SLC2A3: variants seen among roughly 807,000 people sequenced by gnomAD.
SLC2A3 encodes solute carrier family 2, facilitated glucose transporter member 3.
A neutral mutation model predicts 46.4 loss-of-function variants in SLC2A3; 21 were observed. That is an observed-to-expected ratio of 0.45 (90% confidence interval 0.32 to 0.65). The LOEUF (loss-of-function observed/expected upper bound fraction) is 0.65, where lower values mean the gene tolerates loss of function less well. SLC2A3 is among the 30% of genes least tolerant of loss of function. The pLI is 0.04. For missense variants in SLC2A3, 499 were observed against 623.3 expected (o/e 0.80, Z 2.12); for synonymous variants, 213 against 239.4 (o/e 0.89, Z 1.02).
rs1431961339 is a variant in SLC2A3 at position 7,929,792 on chromosome 12, T to C, written c.753A>G (p.Gln251=). 6.2e-7 allele frequency: 1 copy of C among 1,613,674 alleles called. No individual in the cohort carries two copies. The highest frequency in any genetic ancestry group is 8.5e-7 in the Non-Finnish European group (1 of 1,179,762). ...EMKDESARMS[Q]EKQVTVLELF... Reference sequence around the variant, plus strand: ...GCTCTAGCACGGTGACTTGCTTTTCTTGTGACATCCTTGCACTCTCATCTT... The same window carrying C: ...GCTCTAGCACGGTGACTTGCTTTTCCTGTGACATCCTTGCACTCTCATCTT... The change falls in exon 6 of 10, where the codon CAA becomes CAG. Residue 251 remains glutamine, a synonymous_variant. Transcript: ENST00000075120.
rs1946034299 is a variant in SLC2A3, at chr12:7,921,292, A to T, written c.*121T>A. On this transcript the variant is annotated 3_prime_UTR_variant, in exon 10 of 10. Coordinates refer to ENST00000075120, the MANE Select transcript of SLC2A3 (RefSeq NM_006931.3). ...TTGGGGTGCTCATGGAGTGCGTGGG[A>T]TGAGAAAGGAATTAAGTAGCAGCAT... is the stretch of plus-strand genomic sequence containing the variant. The T allele has an allele frequency of 2.6e-6, 4 of 1,560,486 alleles. No individual in the cohort carries two copies. The highest frequency in any genetic ancestry group is 3.5e-6 in the Non-Finnish European group (4 of 1,152,564).
chr12:7,919,740 C>G lies in SLC2A3; in HGVS notation c.*1673G>C, dbSNP rs191676870. 3.9e-5 allele frequency: 6 copies of G among 152,132 alleles called. No individual in the cohort carries two copies. Among genetic ancestry groups the G allele is most frequent in the African/African-American group, 1.4e-4 (6 of 41,462 alleles). The allele number at this position is 152,132 out of a possible 1,614,324, so 9.4% of individuals were successfully genotyped here. On this transcript the variant is annotated 3_prime_UTR_variant, in exon 10 of 10. Coordinates refer to ENST00000075120, the MANE Select transcript of SLC2A3 (RefSeq NM_006931.3). ...CTACGTGCATTTTTATTCAAAGGCTCCAGGAGCAGAGGGAACAGTGAGAAC... is the reference window on the plus strand; with the variant it reads ...CTACGTGCATTTTTATTCAAAGGCTGCAGGAGCAGAGGGAACAGTGAGAAC...
Position 7,923,018 on chromosome 12 carries a change from AGTTATCCT to A in SLC2A3, c.1069-2_1074del, listed in dbSNP as rs1297122377. On this transcript the variant is annotated splice_acceptor_variant and coding_sequence_variant, in exon 9 of 10. Coordinates refer to ENST00000075120, the MANE Select transcript of SLC2A3 (RefSeq NM_006931.3). LOFTEE classifies it high-confidence loss of function. ...ATACAGACAAAGCTCATCCCATTATAGTTATCCTGTAAGAGCAAGGAACAGAGAAAATT... is the reference window on the plus strand; with the variant it reads ...ATACAGACAAAGCTCATCCCATTATAGTAAGAGCAAGGAACAGAGAAAATT... 25 of 1,612,946 alleles carry A rather than the reference AGTTATCCT, an allele frequency of 1.5e-5. No individual in the cohort carries two copies. The highest frequency in any genetic ancestry group is 2.0e-5 in the Non-Finnish European group (24 of 1,179,554).
At position 7,922,835 on chromosome 12, in the gene SLC2A3, A is replaced by G; in HGVS notation, c.1258T>C (p.Phe420Leu). Reference sequence around the variant, plus strand: ...AGTTTACTTACAGCAGCGGAGGGGAAGAGCAATCCGACTAGGAAGTTGGAG... The same window carrying G: ...AGTTTACTTACAGCAGCGGAGGGGAGGAGCAATCCGACTAGGAAGTTGGAG... ...WTSNFLVGLL[F>L]PSAAHYLGAY... Residue 420 changes from phenylalanine to leucine, a missense_variant, in exon 9 of 10, where the codon TTC becomes CTC. Around this residue, in one of 5 missense-constraint regions of SLC2A3, gnomAD observed 179 missense variants for 205.1 expected, o/e 0.87. Transcript: ENST00000075120. The G allele has an allele frequency of 6.2e-7, 1 of 1,614,012 alleles. No homozygotes were observed. Among genetic ancestry groups the G allele is most frequent in the Non-Finnish European group, 8.5e-7 (1 of 1,179,906 alleles).
At chr12:7,925,133 G>T (rs1174916851) in intron 7 of SLC2A3, among the ~76,000 whole-genome samples, 2 of 152,254 alleles carry the variant, frequency 1.3e-5, no homozygotes, top group African/African-American at 4.8e-5. Context: ...AAGCTCCCAT[G>T]CTCAGGATCC....
At chr12:7,923,568 T>C (rs967373058) in intron 8 of SLC2A3, among the ~76,000 whole-genome samples, 3 of 151,944 alleles carry the variant, frequency 2.0e-5, no homozygotes, top group Non-Finnish European at 4.4e-5. Flanking sequence ...TGAGCTGAGA[T>C]CCTGCCACTG....
chr12:7,931,202 C>T (rs952041816), intron 4 of SLC2A3, 43 bp downstream of exon 4: 2 of 1,607,790 alleles, frequency 1.2e-6, no homozygotes, highest in African/African-American at 2.7e-5. Flanking sequence ...TTTTAATGAC[C>T]CATGAAACTA....
chr12:7,921,331 G>C lies in SLC2A3; in HGVS notation c.*82C>G, dbSNP rs1305440458. ...AAGTAGCAGCATTCAGAAGCGTCCTGGGTTCATCCTGATGAGGTCTCTCCC... is the reference window on the plus strand; with the variant it reads ...AAGTAGCAGCATTCAGAAGCGTCCTCGGTTCATCCTGATGAGGTCTCTCCC... On this transcript the variant is annotated 3_prime_UTR_variant, in exon 10 of 10. Coordinates refer to ENST00000075120, the MANE Select transcript of SLC2A3 (RefSeq NM_006931.3). 1.2e-6 allele frequency: 2 copies of C among 1,606,606 alleles called. No individual in the cohort carries two copies. Among genetic ancestry groups the C allele is most frequent in the Admixed American group, 1.7e-5 (1 of 59,460 alleles).
chr12:7,935,548 G>A (rs1445206524), intron 1 of SLC2A3, among the ~76,000 whole-genome samples: 1 of 152,132 alleles, frequency 6.6e-6, no homozygotes, highest in African/African-American at 2.4e-5. Flanking sequence ...CTAATAGGAA[G>A]GACAACTGGA....
At chr12:7,933,956 A>T in intron 1 of SLC2A3, 54 bp from the exon 2 acceptor site, 2 of 1,521,080 alleles carry the variant, frequency 1.3e-6, no homozygotes, top group Non-Finnish European at 9.1e-7. Context: ...GTGATTGATG[A>T]CTGTTTCTTA....
At position 7,931,501 on chromosome 12, in the gene SLC2A3, A is replaced by G. The variant is rs1371044709; in HGVS notation, c.270-16T>C. On this transcript the variant is annotated splice_polypyrimidine_tract_variant and intron_variant, in intron 3 of 9. Coordinates refer to ENST00000075120, the MANE Select transcript of SLC2A3 (RefSeq NM_006931.3). The stretch of plus-strand genomic sequence containing the variant: ...TGAATTGCGCCTGTAAGGTTAATCA[A>G]AGACAAAGTAGAATTAGCAAAGTGA... The G allele has an allele frequency of 1.2e-6, 2 of 1,613,568 alleles. No individual in the cohort carries two copies. Among genetic ancestry groups the G allele is most frequent in the South Asian group, 1.1e-5 (1 of 91,076 alleles).
chr12:7,921,354 C>T lies in SLC2A3; in HGVS notation c.*59G>A, dbSNP rs1310517817. ...CTGGGTTCATCCTGATGAGGTCTCT[C>T]CCTTGTTGAGGGAGAGGTGGCTTTC... is the stretch of plus-strand genomic sequence containing the variant. On this transcript the variant is annotated 3_prime_UTR_variant, in exon 10 of 10. Transcript: ENST00000075120. The T allele has an allele frequency of 6.8e-6, 11 of 1,613,012 alleles. No homozygotes were observed. The highest frequency in any genetic ancestry group is 1.7e-5 in the Admixed American group (1 of 59,960).
chr12:7,929,302 G>A (rs1197105228), intron 6 of SLC2A3, among the ~76,000 whole-genome samples: 1 of 151,896 alleles, frequency 6.6e-6, no homozygotes, highest in Non-Finnish European at 1.5e-5. Context: ...GGAATACAAG[G>A]GCTACCTGCC....
Position 7,930,634 on chromosome 12 carries a change from A to C in SLC2A3, c.519T>G (p.Gly173=). The C allele has an allele frequency of 6.2e-7, 1 of 1,612,788 alleles. No individual in the cohort carries two copies. The highest frequency in any genetic ancestry group is 8.5e-7 in the Non-Finnish European group (1 of 1,179,450). The change falls in exon 5 of 10, where the codon GGT becomes GGG. Residue 173 remains glycine, a synonymous_variant. Transcript: ENST00000075120. ...VVGILVAQIF[G]LEFILGSEEL... The stretch of plus-strand genomic sequence containing the variant: ...CTTCAGACCCAAGGATGAATTCCAG[A>C]CCAAAGATCTAGAAACCACACAAAG...
rs1329875023 is a variant in SLC2A3, at chr12:7,933,830, C to T, written c.88G>A (p.Val30Ile). Reference protein sequence around the residue: ...GSFQFGYNTGVINAPEKIIKE... With the variant: ...GSFQFGYNTGIINAPEKIIKE... Reference sequence around the variant, plus strand: ...CTCACCTTCTCAGGAGCATTGATGACCCCAGTGTTGTAGCCAAATTGGAAA... The same window carrying T: ...CTCACCTTCTCAGGAGCATTGATGATCCCAGTGTTGTAGCCAAATTGGAAA... Residue 30 changes from valine to isoleucine, a missense_variant, in exon 2 of 10, where the codon GTC becomes ATC. Physicochemically the swap from Val to Ile is conservative, Grantham distance 29. Coordinates refer to ENST00000075120, the MANE Select transcript of SLC2A3 (RefSeq NM_006931.3). 1.2e-6 allele frequency: 2 copies of T among 1,613,772 alleles called. No individual in the cohort carries two copies. Among genetic ancestry groups the T allele is most frequent in the African/African-American group, 2.7e-5 (2 of 74,888 alleles).
intron 2 of SLC2A3, chr12:7,933,402 T>C (rs2121201455): frequency 1.8e-6 from 1 of 557,600 alleles, no homozygotes; most frequent in East Asian, 3.1e-5. Context: ...CCAGCTTCTT[T>C]GTAACTAACC....
At chr12:7,932,042 G>A (rs1233733377) in intron 3 of SLC2A3, among the ~76,000 whole-genome samples, 14 of 151,744 alleles carry the variant, frequency 9.2e-5, no homozygotes, top group African/African-American at 2.4e-4. Flanking sequence ...CACCACGCCC[G>A]GCTAATTTTT....
chr12:7,923,559 G>C (rs1021304691), intron 8 of SLC2A3, among the ~76,000 whole-genome samples: 1 of 152,026 alleles, frequency 6.6e-6, no homozygotes, highest in Non-Finnish European at 1.5e-5. Context: ...AGGTTGCAGT[G>C]AGCTGAGATC....
At chr12:7,930,742 T>A (rs1010622744) in intron 4 of SLC2A3, 100 bp from the exon 5 acceptor site, 2 of 1,282,712 alleles carry the variant, frequency 1.6e-6, no homozygotes, top group Non-Finnish European at 2.1e-6. Context: ...TCTTTTACCA[T>A]GTGAAAAAAT....
Sources: allele counts gnomAD v4.1 joint callset (sites outside exome capture counted in the v4.1 genomes callset), GRCh38; gene constraint gnomAD v4.1.1; regional missense constraint gnomAD v4.1.1; transcripts MANE v1.5; gene names NCBI Gene and HGNC (gene_info 2026-07-23, HGNC 2026-07-21).